FANCA: variants seen among roughly 807,000 people sequenced by gnomAD.
The protein encoded by FANCA is Fanconi anemia group A protein.
Under a neutral mutation model 194.3 loss-of-function variants are expected in FANCA, and 236 were observed. The ratio of observed to expected loss-of-function variants is 1.21; its 90% confidence interval spans 1.09 to 1.35. The LOEUF (loss-of-function observed/expected upper bound fraction) is 1.35, where lower values mean the gene tolerates loss of function less well. Among genes scored for constraint, FANCA ranks in the 40% most tolerant of loss-of-function variants. The pLI is 0.00. For missense variants in FANCA, 2,628 were observed against 1,813.9 expected, an observed-to-expected ratio of 1.45 and a Z score of -8.15; for synonymous variants, 1,014 against 715.8, an observed-to-expected ratio of 1.42 and a Z score of -6.65.
In FANCA at chr16:89,755,358, C is replaced by T. The variant is rs183415210; in HGVS notation, c.2982-3136G>A. Among the ~76,000 whole-genome samples, 12 of 152,174 alleles carry T rather than the reference C, an allele frequency of 7.9e-5. No homozygotes were observed. In the East Asian group the frequency reaches 1.5e-3, roughly 20 times the overall value. ...CCTCCCGAGTAGCTGGGATTACAGGCGCCTGCCACCATGCCTGGCTAGTTT... is the reference window on the plus strand; with the variant it reads ...CCTCCCGAGTAGCTGGGATTACAGGTGCCTGCCACCATGCCTGGCTAGTTT... On this transcript the variant is annotated intron_variant, in intron 30 of 42. Coordinates refer to ENST00000389301, the MANE Select transcript of FANCA (RefSeq NM_000135.4).
chr16:89,814,558 C>G lies in FANCA; in HGVS notation c.245G>C (p.Ser82Thr), dbSNP rs1459045387. 2 of 1,613,956 alleles carry G rather than the reference C, an allele frequency of 1.2e-6. No individual in the cohort carries two copies. The highest frequency in any genetic ancestry group is 1.3e-5 in the African/African-American group (1 of 75,064). Residue 82 changes from serine to threonine, a missense_variant, in exon 3 of 43, where the codon AGT becomes ACT. Physicochemically the swap from Ser to Thr is moderately conservative, Grantham distance 58. Transcript: ENST00000389301. ...AGAATGATTAGCATAGGCCTCAGAA[C>G]TGTCACAGTCAATCACTTTGCTGAG... is the stretch of plus-strand genomic sequence containing the variant. ...LSLSKVIDCD[S>T]SEAYANHSSS...
At chr16:89,770,083 G>A (rs771708134) in intron 25 of FANCA, 59 bp from the exon 26 acceptor site, 74 of 1,590,474 alleles carry the variant, frequency 4.7e-5, no homozygotes, top group Non-Finnish European at 6.0e-5. Flanking sequence ...GAATTTTCCA[G>A]GGCACTGAAG....
intron 3 of FANCA, among the ~76,000 whole-genome samples, chr16:89,812,150 A>G (rs1031690420): frequency 6.6e-6 from 1 of 150,532 alleles, no homozygotes; most frequent in African/African-American, 2.4e-5. Flanking sequence ...CCTGGCTAAC[A>G]CGGTGAAACC....
chr16:89,774,729 C>CGAAAAAAAAAAA (rs2039439641), intron 21 of FANCA, among the ~76,000 whole-genome samples: 1 of 22,200 alleles, frequency 4.5e-5, no homozygotes, highest in Non-Finnish European at 8.1e-5. Context: ...GACTCTGTCT[C>CGAAAAAAAAAAA]AAAAAAAAAA....
At chr16:89,799,845 T>G (rs1240244032) in intron 8 of FANCA, among the ~76,000 whole-genome samples, 1 of 152,094 alleles carries the variant, frequency 6.6e-6, no homozygotes, top group East Asian at 1.9e-4. Flanking sequence ...TACAAAAAAT[T>G]AGCCGGGCGC....
chr16:89,752,207 G>C lies in FANCA; in HGVS notation c.2997C>G (p.Asp999Glu). 6.2e-7 allele frequency: 1 copy of C among 1,613,808 alleles called. No individual in the cohort carries two copies. Reference protein sequence around the residue: ...MDFHQSSRSYDHSENSDLVFG... With the variant: ...MDFHQSSRSYEHSENSDLVFG... ...AGACCAAATCAGAATTTTCTGAGTG[G>C]TCATAACTCCTTGAGCTGAAATGAA... The change falls in exon 31 of 43, where the codon GAC (aspartate) becomes GAG (glutamate). Residue 999 changes from aspartate to glutamate, a missense_variant. Physicochemically the swap from Asp to Glu is conservative, Grantham distance 45 (BLOSUM62 2). Coordinates refer to ENST00000389301, the MANE Select transcript of FANCA (RefSeq NM_000135.4).
At chr16:89,762,713 G>C (rs2143267671) in intron 28 of FANCA, 1 of 446,228 alleles carries the variant, frequency 2.2e-6, no homozygotes, top group African/African-American at 2.0e-5. Context: ...GCTCGCTGCA[G>C]ACTCTGCCTC....
At position 89,796,015 on chromosome 16, in the gene FANCA, G is replaced by A. The variant is rs765341703; in HGVS notation, c.897C>T (p.Phe299=). The part of the protein sequence containing the change: ...SSTHKIVRCW[F]GVFSGHTLGS... ...CAAGCGTGTGTCCACTGAACACTCC[G>A]AACCTGCCAATGCAGCAGAAAGAGG... Residue 299 remains phenylalanine, a synonymous_variant, in exon 11 of 43, where the codon TTC becomes TTT. Coordinates refer to ENST00000389301, the MANE Select transcript of FANCA (RefSeq NM_000135.4). 1.4e-5 allele frequency: 23 copies of A among 1,613,146 alleles called. No individual in the cohort carries two copies. Among genetic ancestry groups the A allele is most frequent in the South Asian group, 3.3e-5 (3 of 91,078 alleles).
rs780078944 is a variant in FANCA, at chr16:89,774,729, C to CAAAAAAAAAAAAAAA, written c.1900+998_1900+1012dup. Among the ~76,000 whole-genome samples the CAAAAAAAAAAAAAAA allele has an allele frequency of 1.9e-3, 42 of 22,196 alleles. 9 individuals carry two copies. Among genetic ancestry groups the CAAAAAAAAAAAAAAA allele is most frequent in the Non-Finnish European group, 2.7e-3 (33 of 12,282 alleles). The allele number at this position is 22,196 out of a possible 152,430, so 14.6% of individuals were successfully genotyped here. ...TGGGCAACAGAGCGAGACTCTGTCT[C>CAAAAAAAAAAAAAAA]AAAAAAAAAAAAAAAAAAAAAAAAA... On this transcript the variant is annotated intron_variant, in intron 21 of 42. Transcript: ENST00000389301.
chr16:89,790,550 G>A (rs1055476214), intron 14 of FANCA, among the ~76,000 whole-genome samples: 2 of 152,004 alleles, frequency 1.3e-5, no homozygotes, highest in African/African-American at 4.8e-5. Context: ...CCAACATGGT[G>A]AAACCCCGTC....
chr16:89,744,847 G>T, intron 36 of FANCA, 112 bp downstream of exon 36: 16 of 969,526 alleles, frequency 1.7e-5, no homozygotes, highest in Non-Finnish European at 2.5e-5. Context: ...GCTCACACGA[G>T]AGGCTGCCCA....
intron 33 of FANCA, among the ~76,000 whole-genome samples, chr16:89,747,501 C>A (rs997055459): frequency 1.3e-5 from 2 of 152,120 alleles, no homozygotes; most frequent in African/African-American, 2.4e-5. Flanking sequence ...GAGTTCAAGA[C>A]CAGACTGACC....
chr16:89,771,878 T>A, intron 22 of FANCA, 64 bp from the exon 23 acceptor site: 1 of 1,593,876 alleles, frequency 6.3e-7, no homozygotes, highest in Non-Finnish European at 8.6e-7. Context: ...AGCTGCGGCC[T>A]AGAGAGCTCC....
intron 30 of FANCA, among the ~76,000 whole-genome samples, chr16:89,755,911 CG>C (rs1567608117): frequency 6.6e-6 from 1 of 151,576 alleles, no homozygotes; most frequent in African/African-American, 2.4e-5. Flanking sequence ...CCACACGGCA[CG>C]GCCCACCGCG....
At chr16:89,746,315 C>T (rs1411863178) in intron 35 of FANCA, among the ~76,000 whole-genome samples, 1 of 152,172 alleles carries the variant, frequency 6.6e-6, no homozygotes, top group Non-Finnish European at 1.5e-5. Flanking sequence ...ATGAAGGTGC[C>T]CGTGGGGTCT....
chr16:89,769,585 A>T (rs1687687050), intron 26 of FANCA: 6 of 550,752 alleles, frequency 1.1e-5, no homozygotes, highest in South Asian at 1.0e-4. Context: ...AACGATATAG[A>T]CAGTTACTAT....
At chr16:89,779,229 T>C (rs778409414) in intron 18 of FANCA, among the ~76,000 whole-genome samples, 10 of 152,146 alleles carry the variant, frequency 6.6e-5, no homozygotes, top group Non-Finnish European at 1.5e-4. Context: ...GCCTGCTCCC[T>C]GGGCTTGAAC....
At chr16:89,780,443 T>C (rs951855914) in intron 17 of FANCA, among the ~76,000 whole-genome samples, 1 of 151,886 alleles carries the variant, frequency 6.6e-6, no homozygotes, top group East Asian at 1.9e-4. Flanking sequence ...GGCAACATGA[T>C]GACATCTCAT....
chr16:89,754,515 A>G (rs991611401), intron 30 of FANCA, among the ~76,000 whole-genome samples: 3 of 151,948 alleles, frequency 2.0e-5, no homozygotes, highest in Non-Finnish European at 4.4e-5. Flanking sequence ...GGATTACAGG[A>G]GCCCACCACG....
Sources: gnomAD v4.1 joint callset for allele counts (sites outside exome capture counted in the v4.1 genomes callset) on GRCh38, gnomAD v4.1.1 for gene constraint, MANE v1.5 for transcripts, NCBI Gene and HGNC (gene_info 2026-07-23, HGNC 2026-07-21) for gene names.